Variants in ARHGAP6 observed in about 807,000 individuals in gnomAD.
The protein encoded by ARHGAP6 is Rho GTPase activating protein 6.
A neutral mutation model predicts 55.7 loss-of-function variants in ARHGAP6; 16 were observed. The observed-to-expected ratio is 0.29, with a 90% confidence interval of 0.19 to 0.44. The LOEUF (loss-of-function observed/expected upper bound fraction) is 0.44, where lower values mean the gene tolerates loss of function less well. Ranked by LOEUF, ARHGAP6 falls within the 20% of genes least tolerant of loss-of-function variation. The pLI, the probability that ARHGAP6 is intolerant of heterozygous loss-of-function variation, is 1.00. For missense variants in ARHGAP6, 698 were observed against 808.9 expected (o/e 0.86, Z 1.66); for synonymous variants, 382 against 360.9 (o/e 1.06, Z -0.66).
intron 2 of ARHGAP6, among the ~76,000 whole-genome samples, chrX:11,232,580 C>A (rs755744423): frequency 9.0e-6 from 1 of 111,589 alleles, no homozygotes; most frequent in Admixed American, 9.5e-5. Flanking sequence ...TTACAGTGAG[C>A]CAAGATCATG....
chrX:11,587,234 C>T (rs2051745441), intron 1 of ARHGAP6, among the ~76,000 whole-genome samples: 1 of 111,516 alleles, frequency 9.0e-6, no homozygotes, highest in Admixed American at 9.6e-5. Flanking sequence ...TGAGAGAGGG[C>T]GTCCTTGTCT....
At chrX:11,187,698 A>G (rs1375179868) in intron 4 of ARHGAP6, among the ~76,000 whole-genome samples, 2 of 111,956 alleles carry the variant, frequency 1.8e-5, no homozygotes, top group Non-Finnish European at 3.8e-5. Context: ...TAACTAGGGC[A>G]GTCTTCAACA....
intron 1 of ARHGAP6, among the ~76,000 whole-genome samples, chrX:11,363,013 A>C (rs1472343887): frequency 8.9e-6 from 1 of 112,155 alleles, no homozygotes; most frequent in East Asian, 2.8e-4. Context: ...ACTTCATTTG[A>C]AAGCCCCTCA....
At chrX:11,563,810 C>T (rs1304698478) in intron 1 of ARHGAP6, among the ~76,000 whole-genome samples, 1 of 111,148 alleles carries the variant, frequency 9.0e-6, no homozygotes, top group East Asian at 2.8e-4. Context: ...GTTTCGCCTG[C>T]AATGTGAAAC....
intron 1 of ARHGAP6, among the ~76,000 whole-genome samples, chrX:11,255,886 C>A (rs1191072176): frequency 1.8e-5 from 2 of 111,973 alleles, no homozygotes; most frequent in Non-Finnish European, 3.8e-5. Context: ...AAGTACTTTA[C>A]AATCCTCTGA....
intron 1 of ARHGAP6, among the ~76,000 whole-genome samples, chrX:11,446,370 A>G (rs971667742): frequency 8.9e-6 from 1 of 111,990 alleles, no homozygotes; most frequent in Non-Finnish European, 1.9e-5. Flanking sequence ...TAGAAAGAAA[A>G]GAAATTGATA....
intron 1 of ARHGAP6, among the ~76,000 whole-genome samples, chrX:11,384,083 G>C (rs1203806319): frequency 9.1e-6 from 1 of 110,123 alleles, no homozygotes; most frequent in African/African-American, 3.3e-5. Context: ...ATGGACAATG[G>C]GGATGCACAA....
chrX:11,455,362 A>G (rs1477181102), intron 1 of ARHGAP6, among the ~76,000 whole-genome samples: 1 of 112,292 alleles, frequency 8.9e-6, no homozygotes, highest in East Asian at 2.8e-4. Flanking sequence ...ACAAAGCATT[A>G]TGAGAGGCAG....
intron 1 of ARHGAP6, among the ~76,000 whole-genome samples, chrX:11,326,417 C>T (rs1487697155): frequency 9.0e-5 from 10 of 111,314 alleles, no homozygotes; most frequent in Non-Finnish European, 1.5e-4. Context: ...CGTGAGCCAT[C>T]GCGCCCAGCT....
intron 1 of ARHGAP6, among the ~76,000 whole-genome samples, chrX:11,258,698 C>A (rs1230339395): frequency 8.9e-6 from 1 of 111,810 alleles, no homozygotes; most frequent in African/African-American, 3.3e-5. Flanking sequence ...TTATATATTG[C>A]AGCCCACGGT....
intron 2 of ARHGAP6, among the ~76,000 whole-genome samples, chrX:11,218,397 A>C (rs1452536153): frequency 9.0e-6 from 1 of 111,608 alleles, no homozygotes; most frequent in Non-Finnish European, 1.9e-5. Context: ...CATTAATGTT[A>C]ATCAGGGATA....
intron 1 of ARHGAP6, among the ~76,000 whole-genome samples, chrX:11,274,188 C>G (rs2047727853): frequency 8.9e-6 from 1 of 111,785 alleles, no homozygotes; most frequent in African/African-American, 3.3e-5. Context: ...ATTTAGTTTT[C>G]TTACAAATAT....
rs368351560 is a variant in ARHGAP6 at position 11,522,859 on chromosome X, C to T, written c.588+141382G>A. ...GAAACTATTCCAATCAATAGAAAAACAGGGAATCCTCCCTAACTCATTTTA... is the reference window on the plus strand; with the variant it reads ...GAAACTATTCCAATCAATAGAAAAATAGGGAATCCTCCCTAACTCATTTTA... On this transcript the variant is annotated intron_variant, in intron 1 of 12. Coordinates refer to ENST00000337414, the MANE Select transcript of ARHGAP6 (RefSeq NM_013427.3). Among the ~76,000 whole-genome samples the T allele has an allele frequency of 2.7e-5, 3 of 111,653 alleles. No homozygotes were observed. In the South Asian group the frequency reaches 1.1e-3, roughly 42 times the overall value.
intron 1 of ARHGAP6, chrX:11,266,008 T>A: frequency 1.2e-6 from 1 of 863,350 alleles, no homozygotes; most frequent in Non-Finnish European, 1.5e-6. Flanking sequence ...AATGAGTGAG[T>A]GCGTGTGTTT....
At chrX:11,323,938 A>C (rs903723447) in intron 1 of ARHGAP6, among the ~76,000 whole-genome samples, 2 of 109,997 alleles carry the variant, frequency 1.8e-5, no homozygotes, top group African/African-American at 6.6e-5. Flanking sequence ...GCAGCAGGCC[A>C]TCCATATCAA....
At position 11,665,061 on chromosome X, in the gene ARHGAP6, G is replaced by C. The variant is rs1317590656; in HGVS notation, c.-233C>G. The stretch of plus-strand genomic sequence containing the variant: ...AGCCTTCTAGGAAAATGGGTCTGGG[G>C]ACCTCCTGCAGCCGCTAGAACCTTC... On this transcript the variant is annotated 5_prime_UTR_variant, in exon 1 of 13. Coordinates refer to ENST00000337414, the MANE Select transcript of ARHGAP6 (RefSeq NM_013427.3). 1 of 348,194 alleles carries C rather than the reference G, an allele frequency of 2.9e-6. No homozygotes were observed. Among genetic ancestry groups the C allele is most frequent in the African/African-American group, 2.7e-5 (1 of 37,160 alleles). 28.7% of individuals were successfully genotyped at this position (348,194 alleles called of 1,213,427 possible). A position where few individuals can be genotyped will look rare whatever the true frequency, so the allele number is the denominator to read the frequency against.
chrX:11,612,979 C>A (rs1006054857), intron 1 of ARHGAP6, among the ~76,000 whole-genome samples: 1 of 112,548 alleles, frequency 8.9e-6, no homozygotes, highest in Non-Finnish European at 1.9e-5. Context: ...TCTAAAATGC[C>A]CATAATTTAT....
intron 2 of ARHGAP6, among the ~76,000 whole-genome samples, chrX:11,207,663 T>C (rs771290780): frequency 8.9e-6 from 1 of 112,230 alleles, no homozygotes; most frequent in South Asian, 3.7e-4. Flanking sequence ...GGGCTGTTTT[T>C]GTTTTGCTTT....
intron 1 of ARHGAP6, among the ~76,000 whole-genome samples, chrX:11,521,183 T>A (rs2050921296): frequency 1.8e-5 from 2 of 112,279 alleles, no homozygotes; most frequent in Admixed American, 1.9e-4. Flanking sequence ...TTTGTCAATT[T>A]TGGCTTCTGT....
Sources: allele counts gnomAD v4.1 joint callset (sites outside exome capture counted in the v4.1 genomes callset), GRCh38; gene constraint gnomAD v4.1.1; transcripts MANE v1.5; gene names NCBI Gene and HGNC (gene_info 2026-07-23, HGNC 2026-07-21).